Variants in ZBTB7C observed in about 807,000 individuals in gnomAD.
ZBTB7C encodes zinc finger and BTB domain containing 7C, also known as zinc finger and BTB domain-containing protein 7C.
ZBTB7C carries 8 observed loss-of-function variants against 25.7 expected under a neutral mutation model. The ratio of observed to expected loss-of-function variants is 0.31; its 90% CI spans 0.18 to 0.56. The LOEUF is 0.56. Among genes scored for constraint, ZBTB7C ranks in the 20% least tolerant of loss-of-function variants. The pLI, the probability that ZBTB7C is intolerant of heterozygous loss-of-function variation, is 0.91. For missense variants in ZBTB7C, 824 were observed against 855.2 expected (o/e 0.96, Z 0.46); for synonymous variants, 394 against 369.0 (o/e 1.07, Z -0.78).
chr18:48,210,255 CT>C (rs2042672097), intron 2 of ZBTB7C, among the ~76,000 whole-genome samples: 1 of 152,146 alleles, frequency 6.6e-6, no homozygotes, highest in Admixed American at 6.5e-5. Flanking sequence ...GGAAAACAGC[CT>C]GGCAGTTACT....
intron 4 of ZBTB7C, among the ~76,000 whole-genome samples, chr18:48,036,078 G>T (rs534506127): frequency 2.6e-5 from 4 of 152,394 alleles, no homozygotes; most frequent in South Asian, 2.1e-4. Flanking sequence ...TGGGGCCAAA[G>T]AAATAGTTTG....
intron 3 of ZBTB7C, among the ~76,000 whole-genome samples, chr18:48,052,256 G>A (rs1265960171): frequency 6.6e-6 from 1 of 152,204 alleles, no homozygotes; most frequent in East Asian, 1.9e-4. Context: ...CAACCCATGA[G>A]AGCACTATTC....
At chr18:48,362,072 G>T (rs570308954) in intron 1 of ZBTB7C, among the ~76,000 whole-genome samples, 192 of 152,314 alleles carry the variant, frequency 1.3e-3, no homozygotes, top group African/African-American at 4.6e-3. Context: ...CAGATGAAGT[G>T]ACTGAGGCTC....
At chr18:48,329,963 G>C (rs923838836) in intron 2 of ZBTB7C, among the ~76,000 whole-genome samples, 5 of 152,200 alleles carry the variant, frequency 3.3e-5, no homozygotes, top group African/African-American at 1.2e-4. Flanking sequence ...GCAAGGCTCA[G>C]GGAGACTGTC....
chr18:48,029,239 C>A lies in ZBTB7C; in HGVS notation c.*21G>T. ...GGAGAAGGACTGGAGGGCTGGTGGG[C>A]TGGAGCCGACAGGGACCAGCCTAGT... On this transcript the variant is annotated 3_prime_UTR_variant, in exon 5 of 5. Coordinates refer to ENST00000590800, the MANE Select transcript of ZBTB7C (RefSeq NM_001318841.2). The A allele has an allele frequency of 6.5e-7, 1 of 1,526,956 alleles. No individual in the cohort carries two copies. The highest frequency in any genetic ancestry group is 8.7e-7 in the Non-Finnish European group (1 of 1,145,848). 94.6% of individuals were successfully genotyped at this position (1,526,956 alleles called of 1,614,324 possible). A position where few individuals can be genotyped will look rare whatever the true frequency, so the allele number is the denominator to read the frequency against.
chr18:48,348,564 C>T (rs539734463), intron 1 of ZBTB7C, among the ~76,000 whole-genome samples: 6 of 152,220 alleles, frequency 3.9e-5, no homozygotes, highest in African/African-American at 7.2e-5. Flanking sequence ...TGCCTGTAAT[C>T]CCAGCACTTT....
chr18:48,072,709 C>T (rs925301669), intron 3 of ZBTB7C: 5 of 152,236 alleles, frequency 3.3e-5, no homozygotes, highest in African/African-American at 1.2e-4. Flanking sequence ...GGATGGGATG[C>T]TTTTCCCATT....
chr18:48,198,865 T>C (rs1164911169), intron 2 of ZBTB7C, among the ~76,000 whole-genome samples: 1 of 152,246 alleles, frequency 6.6e-6, no homozygotes, highest in Non-Finnish European at 1.5e-5. Context: ...ACACCATGCT[T>C]GTTTCTGGTT....
chr18:48,069,372 G>A (rs574690097), intron 3 of ZBTB7C, among the ~76,000 whole-genome samples: 7 of 152,252 alleles, frequency 4.6e-5, no homozygotes, highest in Admixed American at 6.5e-5. Flanking sequence ...TTCCCTCTGC[G>A]GTCTCTCATC....
At chr18:48,321,187 C>A (rs573139050) in intron 2 of ZBTB7C, among the ~76,000 whole-genome samples, 1 of 152,180 alleles carries the variant, frequency 6.6e-6, no homozygotes, top group Non-Finnish European at 1.5e-5. Context: ...GGGTGGGGAA[C>A]CACTGCTCAG....
At chr18:48,098,939 G>A (rs2038736585) in intron 3 of ZBTB7C, among the ~76,000 whole-genome samples, 1 of 152,200 alleles carries the variant, frequency 6.6e-6, no homozygotes, top group Non-Finnish European at 1.5e-5. Flanking sequence ...GCAAAGCCAG[G>A]AGACAAAGAA....
At chr18:48,284,784 C>T (rs1045576517) in intron 2 of ZBTB7C, among the ~76,000 whole-genome samples, 21 of 116,154 alleles carry the variant, frequency 1.8e-4, no homozygotes, top group African/African-American at 6.7e-4. Flanking sequence ...GAGTGAGACT[C>T]GGTCTCCAAA....
intron 3 of ZBTB7C, among the ~76,000 whole-genome samples, chr18:48,074,522 G>T (rs1479407649): frequency 6.6e-6 from 1 of 152,252 alleles, no homozygotes; most frequent in Admixed American, 6.5e-5. Context: ...GGAACCATCA[G>T]AGAGAGCCCA....
intron 3 of ZBTB7C, among the ~76,000 whole-genome samples, chr18:48,129,723 C>T (rs2039928215): frequency 6.6e-6 from 1 of 152,236 alleles, no homozygotes; most frequent in Non-Finnish European, 1.5e-5. Context: ...CACCTGGCCT[C>T]TCTCTCGTTG....
chr18:48,411,823 C>T (rs2048385352), upstream of ZBTB7C, among the ~76,000 whole-genome samples: 1 of 152,208 alleles, frequency 6.6e-6, no homozygotes, highest in South Asian at 2.1e-4. Context: ...AAAGTTTCTC[C>T]TCTCTTCTCT....
chr18:48,275,573 A>C (rs1427495686), intron 2 of ZBTB7C, among the ~76,000 whole-genome samples: 3 of 152,334 alleles, frequency 2.0e-5, no homozygotes, highest in African/African-American at 7.2e-5. Flanking sequence ...CTTTTGGCAG[A>C]GGTGGATTAC....
intron 1 of ZBTB7C, among the ~76,000 whole-genome samples, chr18:48,343,958 A>G (rs2046665385): frequency 6.6e-6 from 1 of 152,148 alleles, no homozygotes; most frequent in East Asian, 1.9e-4. Context: ...CCCTGGAGCC[A>G]TGGGGATGTG....
rs531118525 is a variant in ZBTB7C at position 48,400,137 on chromosome 18, G to A, written c.-304+9089C>T. On this transcript the variant is annotated intron_variant, in intron 1 of 4. Transcript: ENST00000590800. ...CCCTGCCCCATCTCCAAAACGCACTGTTTTAAAAACTCATGGTGATGGCTG... is the reference window on the plus strand; with the variant it reads ...CCCTGCCCCATCTCCAAAACGCACTATTTTAAAAACTCATGGTGATGGCTG... 1.4e-4 allele frequency among the ~76,000 whole-genome samples: 22 copies of A among 152,262 alleles called. 1 individual carries two copies. The highest frequency in any genetic ancestry group is 6.8e-3 in the Middle Eastern group (2 of 294).
intron 3 of ZBTB7C, among the ~76,000 whole-genome samples, chr18:48,083,127 C>T (rs2038053316): frequency 1.3e-5 from 2 of 152,104 alleles, no homozygotes; most frequent in Admixed American, 1.3e-4. Flanking sequence ...TTGAATAATA[C>T]TTACTCTAAC....
Sources: allele counts gnomAD v4.1 joint callset (sites outside exome capture counted in the v4.1 genomes callset), GRCh38; gene constraint gnomAD v4.1.1; transcripts MANE v1.5; gene names NCBI Gene and HGNC (gene_info 2026-07-23, HGNC 2026-07-21).